Variants in ADARB2 observed in about 807,000 individuals in gnomAD.
ADARB2 encodes inactive double-stranded RNA-specific editase B2.
ADARB2 carries 25 observed loss-of-function variants against 62.2 expected under a neutral mutation model. The observed-to-expected ratio is 0.40, with a 90% CI of 0.29 to 0.56. ADARB2 has a LOEUF of 0.56. Ranked by LOEUF, ADARB2 falls within the 20% of genes least tolerant of loss-of-function variation. The pLI, the probability that ADARB2 is intolerant of heterozygous loss-of-function variation, is 0.43. For missense variants in ADARB2, 1,071 were observed against 1,077.4 expected (o/e 0.99, Z 0.08); for synonymous variants, 572 against 500.8 (o/e 1.14, Z -1.90).
chr10:1,682,951 G>A (rs918845476), intron 1 of ADARB2, among the ~76,000 whole-genome samples: 1 of 152,208 alleles, frequency 6.6e-6, no homozygotes, highest in African/African-American at 2.4e-5. Context: ...AACACAGCCC[G>A]AATGCCGGCG....
At chr10:1,347,678 G>A (rs1410344997) in intron 3 of ADARB2, among the ~76,000 whole-genome samples, 1 of 152,148 alleles carries the variant, frequency 6.6e-6, no homozygotes, top group Non-Finnish European at 1.5e-5. Flanking sequence ...CGGGTGCCTC[G>A]ACCCGGCTGG....
chr10:1,328,162 A>T (rs1831894065), intron 3 of ADARB2, among the ~76,000 whole-genome samples: 1 of 152,226 alleles, frequency 6.6e-6, no homozygotes, highest in East Asian at 1.9e-4. Flanking sequence ...GTTGAAATAG[A>T]GGAGTCAGTG....
rs57162332 is a variant in ADARB2 at position 1,642,661 on chromosome 10, G to A, written c.100+94390C>T. 8.5e-3 allele frequency among the ~76,000 whole-genome samples: 1,298 copies of A among 152,144 alleles called. 14 individuals carry two copies. The highest frequency in any genetic ancestry group is 0.045 in the East Asian group (234 of 5,182). ...CTCACCACAGGGCTTTCAAAATAGCGAATTAGCTCAAGGCCATCTCACCAT... is the reference window on the plus strand; with the variant it reads ...CTCACCACAGGGCTTTCAAAATAGCAAATTAGCTCAAGGCCATCTCACCAT... On this transcript the variant is annotated intron_variant, in intron 1 of 9. Transcript: ENST00000381312.
intron 3 of ADARB2, among the ~76,000 whole-genome samples, chr10:1,338,476 T>C (rs975292287): frequency 1.3e-5 from 2 of 152,226 alleles, no homozygotes; most frequent in African/African-American, 4.8e-5. Context: ...AAAACAATCC[T>C]GTAGAGGCAA....
rs377134415 is a variant in ADARB2 at position 1,363,212 on chromosome 10, G to T, written c.893C>A (p.Pro298Gln). Residue 298 changes from proline to glutamine, a missense_variant, in exon 3 of 10, where the codon CCG becomes CAG. Physicochemically the swap from Pro to Gln is moderately conservative, Grantham distance 76. Coordinates refer to ENST00000381312, the MANE Select transcript of ADARB2 (RefSeq NM_018702.4). ...GAAGCTCCGCGCGCGCCGCTCGGCC[G>T]GTTCTGCCAGACACACGTAGCGCAG... ...AGLRYVCLAE[P>Q]AERRARSFVM... 6 of 1,464,262 alleles carry T rather than the reference G, an allele frequency of 4.1e-6. No homozygotes were observed. The highest frequency in any genetic ancestry group is 5.4e-6 in the Non-Finnish European group (6 of 1,109,510). 90.7% of individuals were successfully genotyped at this position (1,464,262 alleles called of 1,614,324 possible).
At chr10:1,232,434 GTT>G (rs1830815090) in intron 6 of ADARB2, among the ~76,000 whole-genome samples, 4 of 150,524 alleles carry the variant, frequency 2.7e-5, no homozygotes, top group African/African-American at 9.8e-5. Flanking sequence ...TGTGGTGTGT[GTT>G]TGCAGTGTAT....
intron 1 of ADARB2, among the ~76,000 whole-genome samples, chr10:1,482,671 T>G (rs967681752): frequency 6.6e-6 from 1 of 152,216 alleles, no homozygotes. Flanking sequence ...TTGTATTATG[T>G]GTATTTTACC....
chr10:1,402,715 G>A (rs1038405585), intron 1 of ADARB2, among the ~76,000 whole-genome samples: 3 of 151,962 alleles, frequency 2.0e-5, no homozygotes, highest in East Asian at 3.9e-4. Flanking sequence ...CTCCTGCCCC[G>A]CAGCTTCCTG....
chr10:1,596,369 G>C (rs2132011482), intron 1 of ADARB2, among the ~76,000 whole-genome samples: 1 of 152,348 alleles, frequency 6.6e-6, no homozygotes, highest in South Asian at 2.1e-4. Context: ...CTTCCATGAA[G>C]AGGGATCCTT....
At chr10:1,413,717 GA>G (rs1564283442) in intron 1 of ADARB2, among the ~76,000 whole-genome samples, 2 of 152,182 alleles carry the variant, frequency 1.3e-5, no homozygotes, top group African/African-American at 4.8e-5. Flanking sequence ...GCCTCACCTT[GA>G]GAATCTTACA....
intron 8 of ADARB2, among the ~76,000 whole-genome samples, chr10:1,190,538 C>T (rs565678930): frequency 5.3e-5 from 8 of 152,292 alleles, no homozygotes; most frequent in Non-Finnish European, 8.8e-5. Context: ...TCTGTCCTGT[C>T]GTAGCTCTGG....
At chr10:1,213,796 C>G (rs1431807664) in intron 7 of ADARB2, among the ~76,000 whole-genome samples, 2 of 152,228 alleles carry the variant, frequency 1.3e-5, no homozygotes, top group African/African-American at 4.8e-5. Context: ...TACAGAGAGA[C>G]AACCCTGCCC....
At chr10:1,377,145 G>GT in intron 2 of ADARB2, among the ~76,000 whole-genome samples, 1 of 137,358 alleles carries the variant, frequency 7.3e-6, no homozygotes, top group South Asian at 2.5e-4. Flanking sequence ...GGGTGTGTGT[G>GT]TTTGTGTGTG....
chr10:1,225,101 T>C (rs1830732522), intron 6 of ADARB2, among the ~76,000 whole-genome samples: 1 of 152,128 alleles, frequency 6.6e-6, no homozygotes, highest in Admixed American at 6.5e-5. Flanking sequence ...TGGGTGCTCC[T>C]GTATTGGGTG....
At chr10:1,289,461 G>A (rs1469112188) in intron 3 of ADARB2, among the ~76,000 whole-genome samples, 5 of 152,196 alleles carry the variant, frequency 3.3e-5, no homozygotes, top group African/African-American at 7.2e-5. Flanking sequence ...TCACGTTGGG[G>A]ACCTGGAAGA....
At chr10:1,270,925 A>T (rs1225829543) in intron 4 of ADARB2, 30 bp downstream of exon 4, 5 of 1,593,588 alleles carry the variant, frequency 3.1e-6, no homozygotes, top group Non-Finnish European at 4.3e-6. Context: ...TAGAGATGAA[A>T]ATGCCCACAG....
intron 3 of ADARB2, among the ~76,000 whole-genome samples, chr10:1,299,603 G>A (rs1010274748): frequency 1.3e-5 from 2 of 152,174 alleles, no homozygotes; most frequent in African/African-American, 4.8e-5. Flanking sequence ...GCTGTGTCCT[G>A]CAGACCTCAT....
chr10:1,719,771 G>A (rs1007245069), intron 1 of ADARB2, among the ~76,000 whole-genome samples: 14 of 152,174 alleles, frequency 9.2e-5, no homozygotes, highest in South Asian at 2.1e-4. Flanking sequence ...ACAAACATGC[G>A]ATCCACAAGC....
chr10:1,533,781 T>G (rs1832281290), intron 1 of ADARB2, among the ~76,000 whole-genome samples: 1 of 152,174 alleles, frequency 6.6e-6, no homozygotes, highest in Non-Finnish European at 1.5e-5. Flanking sequence ...GCGTATGAAA[T>G]GCCCAGACAA....
Sources: allele counts gnomAD v4.1 joint callset (sites outside exome capture counted in the v4.1 genomes callset), GRCh38; gene constraint gnomAD v4.1.1; transcripts MANE v1.5; gene names NCBI Gene and HGNC (gene_info 2026-07-23, HGNC 2026-07-21).